The following TUBB8B variants were observed in gnomAD, a reference collection of about 807,000 sequenced individuals.
The protein encoded by TUBB8B is HSA18p11 beta-tubulin 4Q pseudogene.
TUBB8B carries 26 observed loss-of-function variants against 31.9 expected under a neutral mutation model. The observed-to-expected ratio is 0.81, with a 90% CI of 0.60 to 1.13. TUBB8B has a LOEUF of 1.13. Among genes scored for constraint, TUBB8B ranks in the 50% most tolerant of loss-of-function variants. The pLI, the probability that TUBB8B is intolerant of heterozygous loss-of-function variation, is 0.00. For missense variants in TUBB8B, 467 were observed against 586.7 expected, an observed-to-expected ratio of 0.80 and a Z score of 2.11; for synonymous variants, 173 against 231.0, an observed-to-expected ratio of 0.75 and a Z score of 2.28.
the TUBB8B span, among the ~76,000 whole-genome samples, chr18:72,703 G>A: frequency 6.6e-6 from 1 of 152,088 alleles, no homozygotes; most frequent in Non-Finnish European, 1.5e-5. Flanking sequence ...CGTGGCTCAC[G>A]CCTGTAATCC....
the TUBB8B span, among the ~76,000 whole-genome samples, chr18:70,182 A>C: frequency 2.0e-5 from 3 of 152,238 alleles, no homozygotes; most frequent in South Asian, 6.2e-4. Context: ...AATAAAAGAA[A>C]GGAGAAACTT....
the TUBB8B span, among the ~76,000 whole-genome samples, chr18:69,799 C>A: frequency 2.6e-5 from 4 of 152,154 alleles, no homozygotes; most frequent in Admixed American, 6.5e-5. Context: ...AAACAAATAG[C>A]AGAAACACAT....
At chr18:52,890 G>T (rs1157724787), upstream of TUBB8B, among the ~76,000 whole-genome samples, 1 of 151,716 alleles carries the variant, frequency 6.6e-6, no homozygotes, top group Non-Finnish European at 1.5e-5. Flanking sequence ...AAGAGAAAGA[G>T]TTATAATTAA....
At chr18:70,031 C>T in the TUBB8B span, among the ~76,000 whole-genome samples, 2 of 152,052 alleles carry the variant, frequency 1.3e-5, no homozygotes, top group South Asian at 4.1e-4. Context: ...GTGGTGCAGG[C>T]CTGTAATCCC....
chr18:62,186 C>A, the TUBB8B span, among the ~76,000 whole-genome samples: 1 of 151,430 alleles, frequency 6.6e-6, no homozygotes, highest in South Asian at 2.1e-4. Flanking sequence ...TAAATTTTCT[C>A]CTGAAAAGTC....
At chr18:54,479 A>G (rs973669139), upstream of TUBB8B, among the ~76,000 whole-genome samples, 1 of 151,402 alleles carries the variant, frequency 6.6e-6, no homozygotes, top group Non-Finnish European at 1.5e-5. Context: ...TGTCTTATTC[A>G]TTCTTTCTAA....
the TUBB8B span, among the ~76,000 whole-genome samples, chr18:62,422 A>ATT: frequency 0.043 from 5,974 of 139,148 alleles, 225 homozygotes; most frequent in Non-Finnish European, 0.059. Flanking sequence ...TAAATGTTTA[A>ATT]TTTTTTTTTT....
At chr18:70,571 G>A in the TUBB8B span, among the ~76,000 whole-genome samples, 35,983 of 151,764 alleles carry the variant, frequency 0.24, 3,599 homozygotes, top group East Asian at 0.5. Context: ...GGAAGGGGAG[G>A]TTGCAGTGAG....
chr18:61,403 C>G, the TUBB8B span, among the ~76,000 whole-genome samples: 1 of 151,336 alleles, frequency 6.6e-6, no homozygotes, highest in Non-Finnish European at 1.5e-5. Flanking sequence ...ATCCATTCAT[C>G]CACTATTTGT....
chr18:69,302 A>G, the TUBB8B span, among the ~76,000 whole-genome samples: 1 of 152,124 alleles, frequency 6.6e-6, no homozygotes, highest in Non-Finnish European at 1.5e-5. Context: ...ATCTCTACAA[A>G]AAAAAACAAA....
At chr18:56,462 T>C in the TUBB8B span, among the ~76,000 whole-genome samples, 1 of 151,994 alleles carries the variant, frequency 6.6e-6, no homozygotes, top group East Asian at 1.9e-4. Flanking sequence ...AACATAGAAA[T>C]AACTTTCCAT....
At chr18:53,472 T>A (rs914633557), upstream of TUBB8B, among the ~76,000 whole-genome samples, 6 of 151,830 alleles carry the variant, frequency 4.0e-5, no homozygotes, top group Non-Finnish European at 8.8e-5. Flanking sequence ...TTATTAATTA[T>A]TATCATTATC....
the TUBB8B span, among the ~76,000 whole-genome samples, chr18:70,333 T>C: frequency 6.6e-6 from 1 of 151,768 alleles, no homozygotes; most frequent in Non-Finnish European, 1.5e-5. Flanking sequence ...GAGATCCCCA[T>C]TAAAAAAGGA....
the TUBB8B span, among the ~76,000 whole-genome samples, chr18:61,994 C>A: frequency 6.6e-6 from 1 of 151,744 alleles, no homozygotes; most frequent in Non-Finnish European, 1.5e-5. Flanking sequence ...GCTCAGAACT[C>A]CCTTTTGCAT....
chr18:65,579 A>G, the TUBB8B span, among the ~76,000 whole-genome samples: 909 of 152,250 alleles, frequency 6.0e-3, 8 homozygotes, highest in Non-Finnish European at 9.9e-3. Flanking sequence ...TCTAAACACC[A>G]CAATCGGACT....
At chr18:48,564 A>C (rs1905854565) in intron 3 of TUBB8B, 117 bp from the exon 4 acceptor site, 20 of 811,072 alleles carry the variant, frequency 2.5e-5, no homozygotes, top group Middle Eastern at 6.8e-4. Flanking sequence ...TTCGCCCTGC[A>C]GGTGGAGCAA....
chr18:47,661 T>A lies in TUBB8B; in HGVS notation c.1064A>T (p.Asp355Val), dbSNP rs775123796. Residue 355 changes from aspartate (D) to valine (V), a missense_variant, in exon 4 of 4, where the codon GAC becomes GTC. Asp to Val is a radical substitution (Grantham distance 152). Around this residue, in one of 2 missense-constraint regions of TUBB8B, gnomAD observed 208 missense variants for 206.7 expected, o/e 1.01. Transcript: ENST00000308911. ...CATTTTTAGCCCCCGGGGTGGGATG[T>A]CACAGACGGCTGTTTTTACGTTGTC... ...FPDNVKTAVC[D>V]IPPRGLKMSA... 1 of 1,612,426 alleles carries A rather than the reference T, an allele frequency of 6.2e-7. No individual in the cohort carries two copies. Among genetic ancestry groups the A allele is most frequent in the Non-Finnish European group, 8.5e-7 (1 of 1,179,478 alleles).
At chr18:70,597 T>C in the TUBB8B span, among the ~76,000 whole-genome samples, 7 of 152,244 alleles carry the variant, frequency 4.6e-5, no homozygotes, top group Non-Finnish European at 8.8e-5. Context: ...ATCGCGCCAC[T>C]ACACCCTAGC....
Position 47,429 on chromosome 18 carries a change from C to G in TUBB8B, c.1296G>C (p.Glu432Asp). The change falls in exon 4 of 4, where the codon GAG becomes GAC. Residue 432 changes from glutamate (E) to aspartate (D), a missense_variant. Physicochemically the swap from Glu to Asp is conservative, Grantham distance 45. Around this residue, in one of 2 missense-constraint regions of TUBB8B, gnomAD observed 208 missense variants for 206.7 expected, o/e 1.01. Transcript: ENST00000308911. ...CCTCGGCATACTCCTCATCCTCCTC[C>G]TCCTCGGCCGTGGCATCCTGATATT... ...YQQYQDATAE[E>D]EEDEEYAEEE... 7.6e-7 allele frequency: 1 copy of G among 1,311,712 alleles called. No homozygotes were observed. Among genetic ancestry groups the G allele is most frequent in the Non-Finnish European group, 1.1e-6 (1 of 916,870 alleles). The allele number at this position is 1,311,712 out of a possible 1,614,324, so 81.3% of individuals were successfully genotyped here.
Sources: allele counts gnomAD v4.1 joint callset (sites outside exome capture counted in the v4.1 genomes callset), GRCh38; gene constraint gnomAD v4.1.1; regional missense constraint gnomAD v4.1.1; transcripts MANE v1.5; gene names NCBI Gene and HGNC (gene_info 2026-07-23, HGNC 2026-07-21).